NRG1: variants seen among roughly 807,000 people sequenced by gnomAD.
The protein encoded by NRG1 is pro-neuregulin-1, membrane-bound isoform.
NRG1 carries 18 observed loss-of-function variants against 63.8 expected under a neutral mutation model. That is an observed-to-expected ratio of 0.28 (90% CI 0.19 to 0.42). The LOEUF (loss-of-function observed/expected upper bound fraction) is 0.42. Ranked by LOEUF, NRG1 falls within the 10% of genes least tolerant of loss-of-function variation. NRG1 has a pLI of 1.00. For synonymous variants in NRG1, 302 were observed against 301.3 expected, an observed-to-expected ratio of 1.00 and a Z score of -0.02; for missense variants, 762 against 814.7, an observed-to-expected ratio of 0.94 and a Z score of 0.79.
intron 1 of NRG1, among the ~76,000 whole-genome samples, chr8:32,512,776 T>C (rs1365997690): frequency 6.6e-6 from 1 of 152,156 alleles, no homozygotes; most frequent in East Asian, 1.9e-4. Flanking sequence ...TAGGAGGTGT[T>C]ATAGGGAGAA....
intron 1 of NRG1, among the ~76,000 whole-genome samples, chr8:31,735,725 G>A (rs369084829): frequency 7.6e-4 from 115 of 152,194 alleles, no homozygotes; most frequent in Middle Eastern, 3.4e-3. Flanking sequence ...TAACTTTTTA[G>A]CATTATGCAG....
chr8:32,622,537 G>T (rs188312599), intron 5 of NRG1, among the ~76,000 whole-genome samples: 4 of 152,114 alleles, frequency 2.6e-5, no homozygotes, highest in Admixed American at 2.6e-4. Context: ...CTAGTAGCTG[G>T]GACTACATGC....
At chr8:31,924,618 C>T (rs1481059266) in intron 1 of NRG1, among the ~76,000 whole-genome samples, 3 of 139,796 alleles carry the variant, frequency 2.1e-5, no homozygotes, top group Non-Finnish European at 3.1e-5. Context: ...AAATTTGTGC[C>T]TTTTTTTTTT....
chr8:31,989,253 C>CAAAGAA (rs559208259), intron 1 of NRG1, among the ~76,000 whole-genome samples: 1 of 47,522 alleles, frequency 2.1e-5, no homozygotes, highest in African/African-American at 1.1e-4. Flanking sequence ...GACTCTGTCT[C>CAAAGAA]AAAAAAAAAA....
intron 1 of NRG1, among the ~76,000 whole-genome samples, chr8:32,343,609 T>C (rs949889016): frequency 6.6e-6 from 1 of 152,176 alleles, no homozygotes; most frequent in Non-Finnish European, 1.5e-5. Flanking sequence ...TTATGTCAGC[T>C]CGAAGTAAAA....
At chr8:32,424,776 A>G (rs898755330) in intron 1 of NRG1, among the ~76,000 whole-genome samples, 1 of 152,158 alleles carries the variant, frequency 6.6e-6, no homozygotes, top group Non-Finnish European at 1.5e-5. Flanking sequence ...TGGGAAGATC[A>G]CTTGAGTCCA....
intron 1 of NRG1, among the ~76,000 whole-genome samples, chr8:32,308,736 A>G (rs1258229505): frequency 1.3e-5 from 2 of 152,208 alleles, no homozygotes; most frequent in Non-Finnish European, 2.9e-5. Context: ...GATGCAAGCC[A>G]TTCTCTTATA....
At chr8:32,512,431 C>T (rs16879487) in intron 1 of NRG1, among the ~76,000 whole-genome samples, 2,196 of 152,276 alleles carry the variant, frequency 0.014, 48 homozygotes, top group African/African-American at 0.05. Flanking sequence ...TTTCCTTCAA[C>T]AGCTGTTCAC....
At chr8:31,858,162 G>T (rs1193622927) in intron 1 of NRG1, among the ~76,000 whole-genome samples, 1 of 152,122 alleles carries the variant, frequency 6.6e-6, no homozygotes, top group Non-Finnish European at 1.5e-5. Context: ...AGTCGGGCAT[G>T]GTGGCAGGCG....
chr8:32,465,315 T>C (rs187386629), intron 1 of NRG1, among the ~76,000 whole-genome samples: 1 of 152,328 alleles, frequency 6.6e-6, no homozygotes, highest in African/African-American at 2.4e-5. Context: ...TACAGGACAG[T>C]CCTTGCCATC....
chr8:31,731,535 T>C (rs1172773780), intron 1 of NRG1, among the ~76,000 whole-genome samples: 1 of 152,108 alleles, frequency 6.6e-6, no homozygotes, highest in Non-Finnish European at 1.5e-5. Context: ...AAATTAATAC[T>C]TTTGGTCATA....
chr8:32,709,372 C>T (rs1817248150), intron 5 of NRG1, among the ~76,000 whole-genome samples: 1 of 151,948 alleles, frequency 6.6e-6, no homozygotes, highest in Non-Finnish European at 1.5e-5. Flanking sequence ...TTGAACAAAT[C>T]TGTGACTTAC....
intron 1 of NRG1, among the ~76,000 whole-genome samples, chr8:31,977,084 C>T (rs1023536022): frequency 6.6e-6 from 1 of 152,140 alleles, no homozygotes; most frequent in Non-Finnish European, 1.5e-5. Flanking sequence ...AAGACAGTTT[C>T]TTGGGCAAAT....
At chr8:32,649,713 GA>G (rs540456763) in intron 5 of NRG1, among the ~76,000 whole-genome samples, 1 of 151,150 alleles carries the variant, frequency 6.6e-6, no homozygotes, top group African/African-American at 2.4e-5. Flanking sequence ...AAGATTTAAA[GA>G]AAAAAAAAGT....
intron 1 of NRG1, among the ~76,000 whole-genome samples, chr8:32,214,721 G>A (rs1019351446): frequency 3.3e-5 from 5 of 152,158 alleles, no homozygotes; most frequent in Non-Finnish European, 5.9e-5. Context: ...CAGAAAATGA[G>A]TGGTTGATCT....
chr8:31,644,744 G>T (rs1048523823), intron 1 of NRG1, among the ~76,000 whole-genome samples: 2 of 151,802 alleles, frequency 1.3e-5, no homozygotes, highest in Admixed American at 6.6e-5. Context: ...TAAACATAAT[G>T]TCTTTTACAA....
At chr8:31,778,396 C>A (rs1366483213) in intron 1 of NRG1, among the ~76,000 whole-genome samples, 1 of 152,258 alleles carries the variant, frequency 6.6e-6, no homozygotes, top group East Asian at 1.9e-4. Flanking sequence ...GGGAATGTTT[C>A]TTTTGCTTGT....
At chr8:31,882,531 T>A (rs907412502) in intron 1 of NRG1, among the ~76,000 whole-genome samples, 1 of 152,008 alleles carries the variant, frequency 6.6e-6, no homozygotes, top group African/African-American at 2.4e-5. Context: ...AAGAAACACA[T>A]TTTTTAAGGT....
intron 1 of NRG1, among the ~76,000 whole-genome samples, chr8:32,008,066 G>C (rs1814076889): frequency 6.6e-6 from 1 of 151,924 alleles, no homozygotes; most frequent in Non-Finnish European, 1.5e-5. Context: ...TATTTCTTTT[G>C]CTATTTCATT....
Sources: gnomAD v4.1 joint callset for allele counts (sites outside exome capture counted in the v4.1 genomes callset) on GRCh38, gnomAD v4.1.1 for gene constraint, MANE v1.5 for transcripts, NCBI Gene and HGNC (gene_info 2026-07-23, HGNC 2026-07-21) for gene names.